GRID2: variants seen among roughly 807,000 people sequenced by gnomAD.
The protein encoded by GRID2 is glutamate ionotropic receptor delta type subunit 2.
GRID2 carries 33 observed loss-of-function variants against 114.8 expected under a neutral mutation model. The ratio of observed to expected loss-of-function variants is 0.29; its 90% CI spans 0.22 to 0.38. The LOEUF is 0.38. Ranked by LOEUF, GRID2 falls within the 10% of genes least tolerant of loss-of-function variation. The pLI, the probability that GRID2 is intolerant of heterozygous loss-of-function variation, is 1.00. For missense variants in GRID2, 1,184 were observed against 1,257.7 expected (o/e 0.94, Z 0.89); for synonymous variants, 505 against 449.9 (o/e 1.12, Z -1.55).
At chr4:93,593,045 TA>T (rs1259670685) in intron 13 of GRID2, among the ~76,000 whole-genome samples, 17 of 152,126 alleles carry the variant, frequency 1.1e-4, no homozygotes, top group African/African-American at 3.6e-4. Context: ...TTGGAGAATT[TA>T]GTCCATTTAC....
At chr4:93,536,938 G>T (rs112395302) in intron 13 of GRID2, among the ~76,000 whole-genome samples, 2,273 of 151,510 alleles carry the variant, frequency 0.015, 28 homozygotes, top group Non-Finnish European at 0.021. Context: ...TTCTTCCTTT[G>T]TCATTGGTGA....
chr4:92,720,780 G>A (rs1735774619), intron 2 of GRID2, among the ~76,000 whole-genome samples: 1 of 152,026 alleles, frequency 6.6e-6, no homozygotes, highest in Non-Finnish European at 1.5e-5. Flanking sequence ...TTCAAAAATT[G>A]ATGATGGCAA....
intron 2 of GRID2, among the ~76,000 whole-genome samples, chr4:92,721,189 A>T (rs1022257492): frequency 6.6e-6 from 1 of 152,080 alleles, no homozygotes; most frequent in Non-Finnish European, 1.5e-5. Context: ...ATGGACAGAG[A>T]ATTTCAGTTT....
chr4:92,932,986 G>A (rs956346238), intron 2 of GRID2, among the ~76,000 whole-genome samples: 11 of 150,996 alleles, frequency 7.3e-5, no homozygotes, highest in Non-Finnish European at 1.5e-4. Context: ...GGAAAAGTCA[G>A]TATCTTGATT....
chr4:92,933,207 G>A (rs760327974), intron 2 of GRID2, among the ~76,000 whole-genome samples: 23 of 149,954 alleles, frequency 1.5e-4, no homozygotes, highest in East Asian at 3.9e-4. Context: ...CCTCTTAATC[G>A]GATTACTGTG....
chr4:92,913,413 T>A (rs1256614510), intron 2 of GRID2, among the ~76,000 whole-genome samples: 3 of 151,862 alleles, frequency 2.0e-5, no homozygotes, highest in Non-Finnish European at 4.4e-5. Flanking sequence ...CAACCTACAT[T>A]TTTTCCAGAT....
At chr4:93,502,936 C>T (rs1728268088) in intron 12 of GRID2, among the ~76,000 whole-genome samples, 1 of 152,030 alleles carries the variant, frequency 6.6e-6, no homozygotes, top group Admixed American at 6.6e-5. Context: ...CTACAGAGTT[C>T]TCAAGATTTG....
chr4:93,427,462 G>T (rs1277829754), intron 10 of GRID2, among the ~76,000 whole-genome samples: 1 of 151,968 alleles, frequency 6.6e-6, no homozygotes, highest in Non-Finnish European at 1.5e-5. Context: ...ATTAACTCGT[G>T]TGCCTTTCTA....
intron 2 of GRID2, among the ~76,000 whole-genome samples, chr4:92,827,509 C>T (rs1429437061): frequency 1.3e-5 from 2 of 151,820 alleles, no homozygotes; most frequent in South Asian, 2.1e-4. Flanking sequence ...CGTCAAGACC[C>T]GATATTCTAC....
At chr4:93,043,918 AAT>A (rs951963119) in intron 2 of GRID2, among the ~76,000 whole-genome samples, 2 of 150,822 alleles carry the variant, frequency 1.3e-5, no homozygotes, top group South Asian at 2.1e-4. Flanking sequence ...TATAATTAAA[AAT>A]ATATATATAT....
chr4:92,726,479 T>C (rs1736075311), intron 2 of GRID2, among the ~76,000 whole-genome samples: 1 of 152,102 alleles, frequency 6.6e-6, no homozygotes, highest in Non-Finnish European at 1.5e-5. Flanking sequence ...AAGTAGCTGC[T>C]TTTTTAATTG....
chr4:93,052,880 T>C (rs1443772296), intron 2 of GRID2, among the ~76,000 whole-genome samples: 3 of 151,858 alleles, frequency 2.0e-5, no homozygotes, highest in Non-Finnish European at 4.4e-5. Context: ...TCCTAAGCGT[T>C]TTATTCTTAA....
chr4:92,444,372 A>C (rs1031356851), intron 1 of GRID2, among the ~76,000 whole-genome samples: 1 of 141,338 alleles, frequency 7.1e-6, no homozygotes, highest in Non-Finnish European at 1.5e-5. Context: ...TTACAGTCAA[A>C]GGGGGTTTGT....
chr4:93,591,466 T>C (rs1358583530), intron 13 of GRID2, among the ~76,000 whole-genome samples: 1 of 152,188 alleles, frequency 6.6e-6, no homozygotes, highest in Non-Finnish European at 1.5e-5. Context: ...GCCAGTATTT[T>C]ATTGAGGATT....
At chr4:93,618,385 G>T (rs932117207) in intron 13 of GRID2, among the ~76,000 whole-genome samples, 3 of 152,146 alleles carry the variant, frequency 2.0e-5, no homozygotes, top group African/African-American at 7.2e-5. Flanking sequence ...AGCTCATGAG[G>T]ATTCAGGTCT....
At chr4:93,656,335 T>C (rs1266290358) in intron 14 of GRID2, among the ~76,000 whole-genome samples, 1 of 152,042 alleles carries the variant, frequency 6.6e-6, no homozygotes, top group Admixed American at 6.6e-5. Flanking sequence ...TATGGGGGCA[T>C]TGAGAATAAT....
intron 14 of GRID2, among the ~76,000 whole-genome samples, chr4:93,741,168 T>TATATAC (rs1439278588): frequency 3.5e-5 from 1 of 28,514 alleles, no homozygotes; most frequent in Non-Finnish European, 5.7e-5. Context: ...ACTATATATA[T>TATATAC]ATATACATAT....
chr4:93,682,149 A>G (rs1160719609), intron 14 of GRID2, among the ~76,000 whole-genome samples: 2 of 151,098 alleles, frequency 1.3e-5, no homozygotes, highest in Non-Finnish European at 3.0e-5. Flanking sequence ...TCAAAAGAAG[A>G]CATTTATGCA....
chr4:93,430,273 T>C (rs1056638437), intron 10 of GRID2, among the ~76,000 whole-genome samples: 4 of 152,110 alleles, frequency 2.6e-5, no homozygotes, highest in Admixed American at 2.6e-4. Flanking sequence ...CTCCGCCTCC[T>C]GGGTTCAAGC....
Sources: gnomAD v4.1 joint callset for allele counts (sites outside exome capture counted in the v4.1 genomes callset) on GRCh38, gnomAD v4.1.1 for gene constraint, MANE v1.5 for transcripts, NCBI Gene and HGNC (gene_info 2026-07-23, HGNC 2026-07-21) for gene names.